XIRP2: variants seen among roughly 807,000 people sequenced by gnomAD.
XIRP2 encodes the protein xin actin binding repeat containing 2, also known as xin actin-binding repeat-containing protein 2.
Under a neutral mutation model 277.0 loss-of-function variants are expected in XIRP2, and 236 were observed. The ratio of observed to expected loss-of-function variants is 0.85; its 90% CI spans 0.77 to 0.95. XIRP2 has a LOEUF of 0.95. Ranked by LOEUF, XIRP2 falls within the 40% of genes least tolerant of loss-of-function variation. The pLI is 0.00. For missense variants in XIRP2, 4,640 were observed against 4,157.5 expected (o/e 1.12, Z -3.19); for synonymous variants, 1,490 against 1,416.5 (o/e 1.05, Z -1.17).
chr2:167,241,389 A>G (rs1695059963), intron 7 of XIRP2, among the ~76,000 whole-genome samples: 1 of 152,228 alleles, frequency 6.6e-6, no homozygotes, highest in Non-Finnish European at 1.5e-5. Flanking sequence ...ATAAAAGTAG[A>G]ACATACTTGT....
At chr2:167,188,611 A>G (rs1416319453) in intron 3 of XIRP2, among the ~76,000 whole-genome samples, 1 of 152,218 alleles carries the variant, frequency 6.6e-6, no homozygotes, top group Non-Finnish European at 1.5e-5. Context: ...TGGCAAAACT[A>G]TTGGGTCAGA....
At chr2:166,976,304 A>C (rs1185335656) in intron 2 of XIRP2, among the ~76,000 whole-genome samples, 1 of 152,184 alleles carries the variant, frequency 6.6e-6, no homozygotes, top group Non-Finnish European at 1.5e-5. Context: ...ATCTAAGACC[A>C]ACTTCTCTAG....
chr2:167,011,840 A>G (rs191999155), intron 2 of XIRP2, among the ~76,000 whole-genome samples: 3 of 151,926 alleles, frequency 2.0e-5, no homozygotes, highest in Admixed American at 6.6e-5. Context: ...TTTCTCCTAG[A>G]TTTTCTAGTT....
At chr2:167,014,057 A>G (rs564433353) in intron 2 of XIRP2, among the ~76,000 whole-genome samples, 2 of 151,656 alleles carry the variant, frequency 1.3e-5, no homozygotes, top group South Asian at 4.2e-4. Context: ...AGCAGTAACA[A>G]TTTTTGGTAA....
chr2:167,006,814 T>C (rs1413500601), intron 2 of XIRP2, among the ~76,000 whole-genome samples: 3 of 151,772 alleles, frequency 2.0e-5, no homozygotes, highest in Non-Finnish European at 4.4e-5. Context: ...TTGAGTAATA[T>C]TCTGGCAATC....
At chr2:167,200,475 T>C (rs1383172822) in intron 3 of XIRP2, among the ~76,000 whole-genome samples, 1 of 152,192 alleles carries the variant, frequency 6.6e-6, no homozygotes, top group Non-Finnish European at 1.5e-5. Flanking sequence ...GTCTCTACAG[T>C]GTAACGTGCT....
At chr2:167,188,834 G>A (rs571647772) in intron 3 of XIRP2, among the ~76,000 whole-genome samples, 1 of 152,294 alleles carries the variant, frequency 6.6e-6, no homozygotes, top group African/African-American at 2.4e-5. Context: ...CTTTCATCTG[G>A]TGTTGGGCAT....
chr2:167,135,783 T>C, intron 2 of XIRP2, 126 bp from the exon 3 acceptor site: 4 of 863,210 alleles, frequency 4.6e-6, no homozygotes, highest in Non-Finnish European at 6.7e-6. Context: ...ACCTGAAGCA[T>C]ATTGAAAACA....
intron 3 of XIRP2, among the ~76,000 whole-genome samples, chr2:167,195,659 A>G (rs1693480532): frequency 6.6e-6 from 1 of 152,212 alleles, no homozygotes; most frequent in Non-Finnish European, 1.5e-5. Flanking sequence ...GAGAGGGCAA[A>G]GAGAACCCAA....
intron 3 of XIRP2, among the ~76,000 whole-genome samples, chr2:167,181,223 C>T (rs368885567): frequency 8.5e-5 from 13 of 152,224 alleles, no homozygotes; most frequent in East Asian, 7.7e-4. Context: ...GATGTTTACA[C>T]GGAATTGGTG....
intron 2 of XIRP2, among the ~76,000 whole-genome samples, chr2:167,090,616 G>A (rs1314007047): frequency 6.6e-6 from 1 of 152,156 alleles, no homozygotes; most frequent in Non-Finnish European, 1.5e-5. Flanking sequence ...TTTAGCTCAT[G>A]TTTTGCAGGC....
chr2:166,976,106 G>A (rs1161228807), intron 2 of XIRP2, among the ~76,000 whole-genome samples: 1 of 152,054 alleles, frequency 6.6e-6, no homozygotes, highest in African/African-American at 2.4e-5. Flanking sequence ...TATGAGAACT[G>A]GAAGATAAGC....
chr2:167,204,440 T>C (rs1693802747), intron 3 of XIRP2, among the ~76,000 whole-genome samples: 1 of 152,202 alleles, frequency 6.6e-6, no homozygotes, highest in Admixed American at 6.5e-5. Context: ...AGCATCAGAA[T>C]TGGAGTTGTC....
chr2:167,212,505 T>C (rs1451190181), intron 4 of XIRP2, among the ~76,000 whole-genome samples: 1 of 152,184 alleles, frequency 6.6e-6, no homozygotes, highest in African/African-American at 2.4e-5. Flanking sequence ...CATTATTTAA[T>C]ACAAAATCAA....
intron 3 of XIRP2, chr2:167,141,014 A>C (rs1466442359): frequency 6.6e-6 from 1 of 152,136 alleles, no homozygotes. Context: ...GGTAACTATA[A>C]ATCAGCACCT....
intron 2 of XIRP2, among the ~76,000 whole-genome samples, chr2:166,943,573 A>T (rs1011024513): frequency 1.3e-5 from 2 of 152,228 alleles, no homozygotes; most frequent in African/African-American, 4.8e-5. Context: ...ATGTTAGTGT[A>T]CATGGAATTC....
chr2:167,102,919 A>G (rs1690522097), intron 2 of XIRP2, among the ~76,000 whole-genome samples: 2 of 152,180 alleles, frequency 1.3e-5, no homozygotes, highest in Non-Finnish European at 2.9e-5. Context: ...CAATTTTACT[A>G]TAACTGACCT....
chr2:166,915,871 T>C (rs2105352063), intron 2 of XIRP2, among the ~76,000 whole-genome samples: 1 of 152,296 alleles, frequency 6.6e-6, no homozygotes, highest in Middle Eastern at 3.4e-3. Context: ...GGCCCCAGAC[T>C]TTTGACAAAG....
intron 2 of XIRP2, among the ~76,000 whole-genome samples, chr2:166,917,132 G>A (rs1684906064): frequency 1.3e-5 from 2 of 152,200 alleles, no homozygotes. Flanking sequence ...TTCTAAAAGT[G>A]GAAAGAAGCT....
Sources: gnomAD v4.1 joint callset for allele counts (sites outside exome capture counted in the v4.1 genomes callset) on GRCh38, gnomAD v4.1.1 for gene constraint, MANE v1.5 for transcripts, NCBI Gene and HGNC (gene_info 2026-07-23, HGNC 2026-07-21) for gene names.